The following ERC2 variants were observed in gnomAD, a reference collection of about 807,000 sequenced individuals.
ERC2 encodes the protein ERC protein 2.
ERC2 carries 42 observed loss-of-function variants against 114.8 expected under a neutral mutation model. The observed-to-expected ratio is 0.37, with a 90% CI of 0.29 to 0.47. The LOEUF (loss-of-function observed/expected upper bound fraction) is 0.47. Ranked by LOEUF, ERC2 falls within the 20% of genes least tolerant of loss-of-function variation. The pLI is 0.99. For synonymous variants in ERC2, 454 were observed against 425.5 expected (o/e 1.07, Z -0.82); for missense variants, 939 against 1,150.7 (o/e 0.82, Z 2.66).
chr3:55,615,642 G>GA (rs888711854), intron 17 of ERC2, among the ~76,000 whole-genome samples: 4 of 151,706 alleles, frequency 2.6e-5, no homozygotes, highest in African/African-American at 4.8e-5. Context: ...ACTGTAAGGA[G>GA]AAAAAAAATA....
intron 14 of ERC2, among the ~76,000 whole-genome samples, chr3:55,794,216 C>T (rs2070289943): frequency 6.6e-6 from 1 of 152,132 alleles, no homozygotes; most frequent in African/African-American, 2.4e-5. Context: ...TAAGAAACTC[C>T]TTTTGCTATC....
At chr3:56,216,048 T>C (rs2049446273) in intron 3 of ERC2, among the ~76,000 whole-genome samples, 2 of 151,796 alleles carry the variant, frequency 1.3e-5, no homozygotes, top group Non-Finnish European at 2.9e-5. Context: ...GCAGGAAAGA[T>C]CTAAAATTGA....
chr3:56,015,059 CTT>C (rs2073212392), intron 8 of ERC2, among the ~76,000 whole-genome samples: 1 of 152,064 alleles, frequency 6.6e-6, no homozygotes, highest in African/African-American at 2.4e-5. Context: ...GGATTTATAA[CTT>C]TATTAACCAG....
intron 3 of ERC2, among the ~76,000 whole-genome samples, chr3:56,217,167 G>A (rs2049542884): frequency 6.6e-6 from 1 of 152,144 alleles, no homozygotes; most frequent in South Asian, 2.1e-4. Flanking sequence ...AGGAAATAAA[G>A]GGTATTCAAT....
chr3:56,216,246 G>T (rs539338360), intron 3 of ERC2, among the ~76,000 whole-genome samples: 1 of 152,230 alleles, frequency 6.6e-6, no homozygotes, highest in Admixed American at 6.5e-5. Flanking sequence ...TAGACTGCTA[G>T]TAAGACTAAT....
chr3:55,913,070 T>G (rs1349933712), intron 13 of ERC2, among the ~76,000 whole-genome samples: 2 of 152,104 alleles, frequency 1.3e-5, no homozygotes, highest in African/African-American at 2.4e-5. Context: ...ACTGCAGCCT[T>G]GAACTCCTGG....
At chr3:55,661,440 C>T (rs1559464597) in intron 17 of ERC2, among the ~76,000 whole-genome samples, 1 of 152,134 alleles carries the variant, frequency 6.6e-6, no homozygotes, top group Non-Finnish European at 1.5e-5. Flanking sequence ...ATCACAGCCT[C>T]GTCTCTCCTC....
intron 13 of ERC2, among the ~76,000 whole-genome samples, chr3:55,903,354 T>C (rs2064250370): frequency 6.6e-6 from 1 of 152,218 alleles, no homozygotes; most frequent in Admixed American, 6.5e-5. Context: ...GTAACTCTGG[T>C]ATCAAATAGT....
chr3:55,553,285 G>A (rs770270785), intron 17 of ERC2, among the ~76,000 whole-genome samples: 1 of 151,702 alleles, frequency 6.6e-6, no homozygotes, highest in Non-Finnish European at 1.5e-5. Context: ...CTCCCAAAGT[G>A]CTGGGATTAC....
At chr3:56,295,846 A>G (rs1349487240) in intron 3 of ERC2, among the ~76,000 whole-genome samples, 173 bp downstream of exon 3, 6 of 152,244 alleles carry the variant, frequency 3.9e-5, no homozygotes, top group Admixed American at 6.5e-5. Context: ...CAGTGAGCAA[A>G]GACTAATACA....
intron 15 of ERC2, among the ~76,000 whole-genome samples, chr3:55,717,945 C>T (rs983907792): frequency 1.3e-5 from 2 of 152,170 alleles, no homozygotes; most frequent in African/African-American, 4.8e-5. Flanking sequence ...AGTAATTTGG[C>T]TTTGTGCTCA....
intron 6 of ERC2, among the ~76,000 whole-genome samples, chr3:56,105,262 T>G (rs970823713): frequency 1.3e-5 from 2 of 152,144 alleles, no homozygotes; most frequent in African/African-American, 4.8e-5. Flanking sequence ...GGTGTCACTG[T>G]GAAGACTTTG....
At chr3:56,112,251 A>C (rs1295901601) in intron 6 of ERC2, among the ~76,000 whole-genome samples, 2 of 152,210 alleles carry the variant, frequency 1.3e-5, no homozygotes, top group South Asian at 2.1e-4. Context: ...GAGTGACTGC[A>C]TTTTCTTGAC....
rs1190219320 is a variant in ERC2, at chr3:55,808,509, A to T, written c.2565-73591T>A. On this transcript the variant is annotated intron_variant, in intron 14 of 17. Transcript: ENST00000288221. ...TTCTAAATCTCTAGACTATGACAAA[A>T]GAGAGCTAAACCAGTCAGAGGCACT... Among the ~76,000 whole-genome samples the T allele has an allele frequency of 2.6e-5, 4 of 151,790 alleles. No individual in the cohort carries two copies. The East Asian group carries it at 5.8e-4, about 22-fold the overall frequency.
At chr3:56,465,389 C>T (rs975335631) in intron 1 of ERC2, among the ~76,000 whole-genome samples, 8 of 152,080 alleles carry the variant, frequency 5.3e-5, no homozygotes, top group Non-Finnish European at 1.0e-4. Context: ...CAGAGCAAGA[C>T]TCCATTTCAA....
At chr3:56,264,035 G>C (rs2053125529) in intron 3 of ERC2, among the ~76,000 whole-genome samples, 1 of 152,076 alleles carries the variant, frequency 6.6e-6, no homozygotes, top group Admixed American at 6.5e-5. Flanking sequence ...CACATTAACA[G>C]AATGAGGGCT....
intron 3 of ERC2, among the ~76,000 whole-genome samples, chr3:56,295,279 T>C (rs753756485): frequency 3.9e-5 from 6 of 152,240 alleles, no homozygotes; most frequent in Admixed American, 1.3e-4. Flanking sequence ...TTAAGGTCCA[T>C]ATCCACCACA....
chr3:56,396,832 AATTACAACTGT>A (rs2060326076), intron 2 of ERC2, among the ~76,000 whole-genome samples: 1 of 152,110 alleles, frequency 6.6e-6, no homozygotes. Context: ...AGGAGATAGA[AATTACAACTGT>A]TTCCAATAAC....
At chr3:56,407,440 C>T (rs2060773151) in intron 2 of ERC2, among the ~76,000 whole-genome samples, 1 of 152,170 alleles carries the variant, frequency 6.6e-6, no homozygotes, top group South Asian at 2.1e-4. Flanking sequence ...GAGGGTATTT[C>T]TTATGAATGC....
Sources: allele counts gnomAD v4.1 joint callset (sites outside exome capture counted in the v4.1 genomes callset), GRCh38; gene constraint gnomAD v4.1.1; transcripts MANE v1.5; gene names NCBI Gene and HGNC (gene_info 2026-07-23, HGNC 2026-07-21).